AP1G1: variants seen among roughly 807,000 people sequenced by gnomAD.
AP1G1 encodes the protein adaptor related protein complex 1 subunit gamma 1.
AP1G1 carries 7 observed loss-of-function variants against 108.3 expected under a neutral mutation model. The observed-to-expected ratio is 0.06, with a 90% confidence interval of 0.04 to 0.12. The LOEUF (loss-of-function observed/expected upper bound fraction) is 0.12. Among genes scored for constraint, AP1G1 ranks in the 10% least tolerant of loss-of-function variants. AP1G1 has a pLI of 1.00. For synonymous variants in AP1G1, 379 were observed against 353.5 expected (o/e 1.07, Z -0.81); for missense variants, 756 against 1,010.7 (o/e 0.75, Z 3.42).
At position 71,745,227 on chromosome 16, in the gene AP1G1, G is replaced by C; in HGVS notation, c.1916C>G (p.Pro639Arg). 6.2e-7 allele frequency: 1 copy of C among 1,614,170 alleles called. No individual in the cohort carries two copies. The highest frequency in any genetic ancestry group is 8.5e-7 in the Non-Finnish European group (1 of 1,180,036). The change falls in exon 19 of 23, where the codon CCT becomes CGT. Residue 639 changes from proline (P) to arginine (R), a missense_variant. By Grantham distance (103) the Pro-to-Arg change is moderately radical (BLOSUM62 -2). Coordinates refer to ENST00000299980, the MANE Select transcript of AP1G1 (RefSeq NM_001128.6). ...GCTTGTAGGCGCAGTTGGAATAACA[G>C]GTGTTATGTCATTTCCTCCCAACAA... is the stretch of plus-strand genomic sequence containing the variant. Reference protein sequence around the residue: ...LDLLGGNDITPVIPTAPTSKP... With the variant: ...LDLLGGNDITRVIPTAPTSKP...
At chr16:71,804,523 T>C (rs959976361) in intron 1 of AP1G1, among the ~76,000 whole-genome samples, 4 of 151,274 alleles carry the variant, frequency 2.6e-5, no homozygotes, top group East Asian at 2.0e-4. Flanking sequence ...TCCTCCCACC[T>C]GAGCCTCCTA....
chr16:71,800,199 C>T (rs1437375525), intron 1 of AP1G1, among the ~76,000 whole-genome samples: 1 of 132,434 alleles, frequency 7.6e-6, no homozygotes, highest in East Asian at 2.1e-4. Context: ...TCTGTCTCTA[C>T]TAAAAAAAAA....
chr16:71,746,790 C>T, intron 16 of AP1G1, 98 bp from the exon 17 acceptor site: 1 of 772,656 alleles, frequency 1.3e-6, no homozygotes, highest in Non-Finnish European at 2.1e-6. Flanking sequence ...GGTTAAAATA[C>T]TGAAATACTC....
At chr16:71,804,855 A>G (rs2032943614) in intron 1 of AP1G1, among the ~76,000 whole-genome samples, 1 of 152,094 alleles carries the variant, frequency 6.6e-6, no homozygotes, top group South Asian at 2.1e-4. Flanking sequence ...CGTCTCCACA[A>G]AAAAATAATA....
In AP1G1 at chr16:71,745,268, G is replaced by T; in HGVS notation, c.1875C>A (p.Ala625=). The T allele has an allele frequency of 6.2e-7, 1 of 1,614,064 alleles. No homozygotes were observed. Among genetic ancestry groups the T allele is most frequent in the South Asian group, 1.1e-5 (1 of 91,080 alleles). ...PPSGPQPTSQ[A]NDLLDLLGGN... ...CTCCCAACAAATCCAATAAATCATT[G>T]GCCTAAACAAGGTAACAACACCTCA... is the stretch of plus-strand genomic sequence containing the variant. The change falls in exon 19 of 23, where the codon GCC becomes GCA. Residue 625 remains alanine (A), a splice_region_variant and synonymous_variant. Transcript: ENST00000299980.
In AP1G1 at chr16:71,749,973, A is replaced by T. The variant is rs1325315149; in HGVS notation, c.1418T>A (p.Val473Glu). The change falls in exon 15 of 23, where the codon GTA becomes GAA. Residue 473 changes from valine to glutamate, a missense_variant. Val to Glu is a moderately radical substitution (Grantham distance 121, BLOSUM62 -2). Transcript: ENST00000299980. ...ACCTATACACCATGCAGCCACTTGT[A>T]CCAAAGGTTGCTGTGAAAAGAAAAG... ...ILGDYSQQPL[V>E]QVAAWCIGEY... is the part of the protein sequence containing the mutation. 42 of 1,612,656 alleles carry T rather than the reference A, an allele frequency of 2.6e-5. No homozygotes were observed. The highest frequency in any genetic ancestry group is 3.5e-5 in the Non-Finnish European group (41 of 1,178,840).
chr16:71,747,561 ACAGAG>A (rs1263803846), intron 16 of AP1G1, among the ~76,000 whole-genome samples: 10 of 152,282 alleles, frequency 6.6e-5, no homozygotes, highest in African/African-American at 2.4e-4. Context: ...CAGCCTGGCA[ACAGAG>A]CAAGATTCTG....
rs2278031 is a variant in AP1G1 at position 71,734,597 on chromosome 16, T to C, written c.2367+12A>G. 0.36 allele frequency: 578,841 copies of C among 1,587,548 alleles called. 111,623 individuals are homozygous for C. The highest frequency in any genetic ancestry group is 0.71 in the East Asian group (31,605 of 44,678). ...CTTCGGCTCAGATATTGGCTACAAA[T>C]GTGCTACTCACCTTCTGAGGGTTCA... On this transcript the variant is annotated intron_variant, in intron 22 of 22. Coordinates refer to ENST00000299980, the MANE Select transcript of AP1G1 (RefSeq NM_001128.6).
At chr16:71,801,922 CAAA>C (rs901972267) in intron 1 of AP1G1, among the ~76,000 whole-genome samples, 7 of 63,752 alleles carry the variant, frequency 1.1e-4, no homozygotes, top group African/African-American at 1.2e-4. Flanking sequence ...ACTCCGTAAC[CAAA>C]AAAAAAAAAA....
intron 2 of AP1G1, among the ~76,000 whole-genome samples, chr16:71,781,892 T>C (rs2032032603): frequency 6.6e-6 from 1 of 152,246 alleles, no homozygotes; most frequent in Non-Finnish European, 1.5e-5. Context: ...TGCTTTGTTC[T>C]GTTGTGATCT....
intron 5 of AP1G1, among the ~76,000 whole-genome samples, chr16:71,770,463 A>C (rs780771003): frequency 3.3e-5 from 5 of 152,356 alleles, no homozygotes; most frequent in Admixed American, 1.3e-4. Flanking sequence ...TTCTGTCAGA[A>C]ATAACCCAAA....
intron 13 of AP1G1, among the ~76,000 whole-genome samples, chr16:71,751,644 T>C (rs934095759): frequency 2.0e-5 from 3 of 152,106 alleles, no homozygotes; most frequent in Admixed American, 1.3e-4. Context: ...CAGAGTGCAT[T>C]AAATACAAGA....
At position 71,731,804 on chromosome 16, in the gene AP1G1, G is replaced by T. The variant is rs369411172; in HGVS notation, c.*1254C>A. ...AGGCTATTCCTACCCTATGGTGTCCGTAAGACCTCCTCTGACATAGGGGTA... is the reference window on the plus strand; with the variant it reads ...AGGCTATTCCTACCCTATGGTGTCCTTAAGACCTCCTCTGACATAGGGGTA... On this transcript the variant is annotated 3_prime_UTR_variant, in exon 23 of 23. Coordinates refer to ENST00000299980, the MANE Select transcript of AP1G1 (RefSeq NM_001128.6). 1 of 152,612 alleles carries T rather than the reference G, an allele frequency of 6.6e-6. No homozygotes were observed. Among genetic ancestry groups the T allele is most frequent in the South Asian group, 2.1e-4 (1 of 4,834 alleles). The allele number at this position is 152,612 out of a possible 1,614,324, so 9.5% of individuals were successfully genotyped here.
chr16:71,771,316 T>C (rs1282320069), intron 4 of AP1G1, 64 bp from the exon 5 acceptor site: 2 of 945,946 alleles, frequency 2.1e-6, no homozygotes, highest in Non-Finnish European at 3.0e-6. Context: ...ACCAATCTTA[T>C]TAAAAAACCA....
rs143356205 is a variant in AP1G1 at position 71,758,890 on chromosome 16, C to G, written c.1006G>C (p.Val336Leu). The G allele has an allele frequency of 1.2e-6, 2 of 1,605,124 alleles. No individual in the cohort carries two copies. Among genetic ancestry groups the G allele is most frequent in the Non-Finnish European group, 1.7e-6 (2 of 1,177,398 alleles). The change falls in exon 11 of 23, where the codon GTA becomes CTA. Residue 336 changes from valine to leucine, a missense_variant. Physicochemically the swap from Val to Leu is conservative, Grantham distance 32 (BLOSUM62 1). Coordinates refer to ENST00000299980, the MANE Select transcript of AP1G1 (RefSeq NM_001128.6). ...TGTACTGCATTATGATCTGTCTGTA[C>G]AGTCTTCAACAAAGATGTCAGAGCC... The part of the protein sequence containing the change: ...YVALTSLLKT[V>L]QTDHNAVQRH...
rs1160425772 is a variant in AP1G1, at chr16:71,760,545, C to CAA, written c.974+965_974+966dup. Among the ~76,000 whole-genome samples the CAA allele has an allele frequency of 9.1e-3, 870 of 95,204 alleles. 4 individuals carry two copies. The highest frequency in any genetic ancestry group is 0.017 in the Admixed American group (147 of 8,680). 62.5% of individuals were successfully genotyped at this position (95,204 alleles called of 152,430 possible). On this transcript the variant is annotated intron_variant, in intron 10 of 22. Transcript: ENST00000299980. Reference sequence around the variant, plus strand: ...GGGCAACAAGAGCGAAACTCCATCTCAAAAAAAAAAAAAAAAAGAAACAGG... The same window carrying CAA: ...GGGCAACAAGAGCGAAACTCCATCTCAAAAAAAAAAAAAAAAAAAGAAACAGG...
chr16:71,744,787 G>A (rs1365705726), intron 19 of AP1G1, among the ~76,000 whole-genome samples: 1 of 152,028 alleles, frequency 6.6e-6, no homozygotes, highest in Non-Finnish European at 1.5e-5. Context: ...TGTTGGCCAG[G>A]CTGGTCTAGA....
chr16:71,801,217 G>C (rs938155315), intron 1 of AP1G1, among the ~76,000 whole-genome samples: 2 of 151,704 alleles, frequency 1.3e-5, no homozygotes, highest in African/African-American at 4.8e-5. Flanking sequence ...TGAGGCAGGA[G>C]AATCACTGAA....
At chr16:71,736,576 T>G (rs962146839) in intron 21 of AP1G1, among the ~76,000 whole-genome samples, 1 of 136,340 alleles carries the variant, frequency 7.3e-6, no homozygotes, top group African/African-American at 2.8e-5. Flanking sequence ...ATTTATTTAT[T>G]TATTTATTTA....
Sources: allele counts gnomAD v4.1 joint callset (sites outside exome capture counted in the v4.1 genomes callset), GRCh38; gene constraint gnomAD v4.1.1; transcripts MANE v1.5; gene names NCBI Gene and HGNC (gene_info 2026-07-23, HGNC 2026-07-21).